PLSCR4: variants seen among roughly 807,000 people sequenced by gnomAD.
PLSCR4 encodes the protein phospholipid scramblase 4.
PLSCR4 carries 25 observed loss-of-function variants against 36.3 expected under a neutral mutation model. That is an observed-to-expected ratio of 0.69 (90% CI 0.50 to 0.96). PLSCR4 has a LOEUF of 0.96. Among genes scored for constraint, PLSCR4 ranks in the 40% least tolerant of loss-of-function variants. The pLI, the probability that PLSCR4 is intolerant of heterozygous loss-of-function variation, is 0.00. For synonymous variants in PLSCR4, 122 were observed against 132.9 expected (o/e 0.92, Z 0.56); for missense variants, 408 against 414.7 (o/e 0.98, Z 0.14).
At chr3:146,204,405 T>C (rs1379276407) in intron 4 of PLSCR4, among the ~76,000 whole-genome samples, 1 of 152,006 alleles carries the variant, frequency 6.6e-6, no homozygotes, top group Non-Finnish European at 1.5e-5. Flanking sequence ...TTAGGCACAT[T>C]GTGACCCTTA....
intron 1 of PLSCR4, among the ~76,000 whole-genome samples, chr3:146,229,624 T>TTTG (rs1559921551): frequency 7.1e-6 from 1 of 141,172 alleles, no homozygotes; most frequent in African/African-American, 2.8e-5. Context: ...TTTATTTATT[T>TTTG]ATTTATTTAT....
Position 146,221,159 on chromosome 3 carries a change from T to A in PLSCR4, c.8-234A>T, listed in dbSNP as rs9874072. Among the ~76,000 whole-genome samples, 53,083 of 151,998 alleles carry A rather than the reference T, an allele frequency of 0.35. 9,355 individuals carry two copies. The highest frequency in any genetic ancestry group is 0.38 in the Admixed American group (5,754 of 15,266). On this transcript the variant is annotated intron_variant, in intron 2 of 8. Coordinates refer to ENST00000354952, the MANE Select transcript of PLSCR4 (RefSeq NM_020353.3). Reference sequence around the variant, plus strand: ...GAACTAAACAATTATATTATGCTTGTGATCAAAGCAATGAGCTTTCATACT... The same window carrying A: ...GAACTAAACAATTATATTATGCTTGAGATCAAAGCAATGAGCTTTCATACT...
At chr3:146,223,177 G>C (rs941055267) in intron 1 of PLSCR4, among the ~76,000 whole-genome samples, 2 of 152,090 alleles carry the variant, frequency 1.3e-5, no homozygotes, top group Non-Finnish European at 2.9e-5. Context: ...ATAACTCAAA[G>C]AAGAAGACTA....
Position 146,199,832 on chromosome 3 carries a change from C to A in PLSCR4, c.605G>T (p.Cys202Phe). Residue 202 changes from cysteine to phenylalanine, a missense_variant, in exon 6 of 9, where the codon TGC becomes TTC. Transcript: ENST00000354952. ...TCTGACCTCTTGTCTGGCAGAGGGG[C>A]AACAGAAGCAACAGCAGGTGCATCT... ...PFRCTCCCFC[C>F]PSARQELEVQ... is the part of the protein sequence containing the mutation. 1.9e-6 allele frequency: 3 copies of A among 1,613,088 alleles called. No individual in the cohort carries two copies. The South Asian group carries it at 3.3e-5, about 18-fold the overall frequency.
At chr3:146,235,058 AAAT>A (rs1300594502) in intron 1 of PLSCR4, among the ~76,000 whole-genome samples, 2 of 152,198 alleles carry the variant, frequency 1.3e-5, no homozygotes, top group Non-Finnish European at 2.9e-5. Context: ...GAATCTCATA[AAAT>A]AATATGCAAA....
intron 1 of PLSCR4, among the ~76,000 whole-genome samples, chr3:146,237,017 T>C (rs767313703): frequency 1.3e-5 from 2 of 151,406 alleles, no homozygotes; most frequent in Non-Finnish European, 2.9e-5. Flanking sequence ...AATCAAAAGG[T>C]AGAGACTGGC....
intron 1 of PLSCR4, among the ~76,000 whole-genome samples, chr3:146,240,404 G>A (rs2107847567): frequency 6.6e-6 from 1 of 152,288 alleles, no homozygotes; most frequent in Non-Finnish European, 1.5e-5. Context: ...AAGGTTAGGA[G>A]TTAGAAACCC....
intron 7 of PLSCR4, 91 bp downstream of exon 7, chr3:146,196,541 A>G (rs1041776556): frequency 1.6e-6 from 2 of 1,225,922 alleles, no homozygotes; most frequent in East Asian, 2.3e-5. Flanking sequence ...ATTCATTCAC[A>G]TTAAAAAAAA....
intron 1 of PLSCR4, among the ~76,000 whole-genome samples, chr3:146,234,358 TCA>T (rs1408620914): frequency 6.6e-6 from 1 of 152,076 alleles, no homozygotes; most frequent in African/African-American, 2.4e-5. Context: ...GCTGGAAAAT[TCA>T]CAGTTTTTAA....
At chr3:146,244,568 G>T (rs936939230) in intron 1 of PLSCR4, among the ~76,000 whole-genome samples, 3 of 151,990 alleles carry the variant, frequency 2.0e-5, no homozygotes, top group Non-Finnish European at 4.4e-5. Flanking sequence ...GATCTTTGAT[G>T]TTACTATTAT....
chr3:146,206,362 C>T (rs573902887), intron 4 of PLSCR4, among the ~76,000 whole-genome samples, 164 bp downstream of exon 4: 2 of 152,164 alleles, frequency 1.3e-5, no homozygotes, highest in South Asian at 4.1e-4. Context: ...GCTGTTTCCC[C>T]TTCATATTTC....
At chr3:146,204,804 G>C (rs1340505875) in intron 4 of PLSCR4, among the ~76,000 whole-genome samples, 1 of 152,002 alleles carries the variant, frequency 6.6e-6, no homozygotes, top group South Asian at 2.1e-4. Context: ...GTATAGAAAT[G>C]AGACTTTCTA....
chr3:146,229,624 T>TA (rs1559921561), intron 1 of PLSCR4, among the ~76,000 whole-genome samples: 1 of 141,174 alleles, frequency 7.1e-6, no homozygotes, highest in African/African-American at 2.8e-5. Flanking sequence ...TTTATTTATT[T>TA]ATTTATTTAT....
At chr3:146,215,260 A>G (rs2034838064) in intron 3 of PLSCR4, among the ~76,000 whole-genome samples, 1 of 151,958 alleles carries the variant, frequency 6.6e-6, no homozygotes, top group African/African-American at 2.4e-5. Flanking sequence ...CTATCTACTC[A>G]CTTTATATTC....
intron 3 of PLSCR4, 112 bp downstream of exon 3, chr3:146,220,703 A>G (rs758564256): frequency 7.1e-6 from 5 of 702,596 alleles, no homozygotes; most frequent in Admixed American, 2.6e-5. Context: ...TTGGCATCCA[A>G]TATTTATTTA....
At chr3:146,221,706 C>A (rs2035150122) in intron 2 of PLSCR4, among the ~76,000 whole-genome samples, 1 of 152,166 alleles carries the variant, frequency 6.6e-6, no homozygotes, top group Non-Finnish European at 1.5e-5. Flanking sequence ...TTTCATCCTC[C>A]TCTACCAAGG....
rs891952963 is a variant in PLSCR4 at position 146,193,270 on chromosome 3, A to G, written c.*1141T>C. On this transcript the variant is annotated 3_prime_UTR_variant, in exon 9 of 9. Coordinates refer to ENST00000354952, the MANE Select transcript of PLSCR4 (RefSeq NM_020353.3). ...GTTTTATTATTATTACTCTGTGTAG[A>G]TACATATTTATCTATCATGTCAATA... 2 of 152,158 alleles carry G rather than the reference A, an allele frequency of 1.3e-5. No individual in the cohort carries two copies. Among genetic ancestry groups the G allele is most frequent in the African/African-American group, 2.4e-5 (1 of 41,446 alleles). The allele number at this position is 152,158 out of a possible 1,614,324, so 9.4% of individuals were successfully genotyped here.
chr3:146,198,212 A>G (rs2033852469), intron 6 of PLSCR4, among the ~76,000 whole-genome samples: 1 of 152,106 alleles, frequency 6.6e-6, no homozygotes, highest in Non-Finnish European at 1.5e-5. Flanking sequence ...GTAATAAAAG[A>G]GGACTTTGGT....
chr3:146,210,446 GA>G (rs1459361697), intron 3 of PLSCR4, among the ~76,000 whole-genome samples: 2 of 151,830 alleles, frequency 1.3e-5, no homozygotes, highest in Non-Finnish European at 2.9e-5. Flanking sequence ...TAAATTTAGA[GA>G]AAAAAATCAC....
Sources: allele counts gnomAD v4.1 joint callset (sites outside exome capture counted in the v4.1 genomes callset), GRCh38; gene constraint gnomAD v4.1.1; transcripts MANE v1.5; gene names NCBI Gene and HGNC (gene_info 2026-07-23, HGNC 2026-07-21).